Variants in REEP1 observed in about 807,000 individuals in gnomAD.
REEP1 encodes receptor accessory protein 1, also known as receptor expression-enhancing protein 1.
In REEP1, 22 loss-of-function variants were observed where a neutral mutation model predicts 40.3. The observed-to-expected ratio is 0.55, with a 90% CI of 0.39 to 0.78. REEP1 has a LOEUF of 0.78. Among genes scored for constraint, REEP1 ranks in the 30% least tolerant of loss-of-function variants. REEP1 has a pLI of 0.00. For synonymous variants in REEP1, 116 were observed against 139.2 expected (o/e 0.83, Z 1.17); for missense variants, 280 against 361.1 (o/e 0.78, Z 1.82).
intron 5 of REEP1, among the ~76,000 whole-genome samples, chr2:86,247,010 T>C (rs1029802142): frequency 2.0e-5 from 3 of 152,232 alleles, no homozygotes; most frequent in Non-Finnish European, 4.4e-5. Context: ...CTATGGTTTA[T>C]TTTTCATGTG....
At chr2:86,268,120 C>T (rs930729987) in intron 2 of REEP1, among the ~76,000 whole-genome samples, 1 of 152,126 alleles carries the variant, frequency 6.6e-6, no homozygotes, top group African/African-American at 2.4e-5. Flanking sequence ...TTCCATCACT[C>T]CTATATCATA....
At position 86,217,666 on chromosome 2, in the gene REEP1, A is replaced by ATTTTTTTTTTTTT. The variant is rs10668934; in HGVS notation, c.784-569_784-557dup. On this transcript the variant is annotated intron_variant, in intron 8 of 8. Coordinates refer to ENST00000538924, the MANE Select transcript of REEP1 (RefSeq NM_001371279.1). ...GAGTCAGAAGTGTTTGGGATTTCAG[A>ATTTTTTTTTTTTT]TTTTTTTTTTTTTTTTTTCAGATTT... Among the ~76,000 whole-genome samples the ATTTTTTTTTTTTT allele has an allele frequency of 1.2e-3, 130 of 112,864 alleles. 4 individuals are homozygous for ATTTTTTTTTTTTT. The highest frequency in any genetic ancestry group is 3.5e-3 in the African/African-American group (113 of 32,186). 74.0% of individuals were successfully genotyped at this position (112,864 alleles called of 152,430 possible).
At chr2:86,297,831 G>T in intron 1 of REEP1, 1 of 459,084 alleles carries the variant, frequency 2.2e-6, no homozygotes, top group South Asian at 9.2e-5. Context: ...GGTCCAGCCT[G>T]GGTCCCTCTC....
chr2:86,245,859 G>A (rs1675916037), intron 5 of REEP1, among the ~76,000 whole-genome samples: 1 of 151,172 alleles, frequency 6.6e-6, no homozygotes, highest in Non-Finnish European at 1.5e-5. Context: ...CCGCCTCCCT[G>A]GTTCACGCCA....
At chr2:86,229,856 C>A (rs925214160) in intron 6 of REEP1, among the ~76,000 whole-genome samples, 1 of 152,062 alleles carries the variant, frequency 6.6e-6, no homozygotes, top group Non-Finnish European at 1.5e-5. Flanking sequence ...TGGTGATCCA[C>A]CCTCCTCAGC....
chr2:86,323,290 T>C (rs1442987605), intron 1 of REEP1, among the ~76,000 whole-genome samples: 1 of 152,236 alleles, frequency 6.6e-6, no homozygotes, highest in African/African-American at 2.4e-5. Context: ...CAGATTTGTG[T>C]GTTTGTGTAT....
At chr2:86,322,003 T>C (rs1350382072) in intron 1 of REEP1, among the ~76,000 whole-genome samples, 1 of 152,192 alleles carries the variant, frequency 6.6e-6, no homozygotes, top group Non-Finnish European at 1.5e-5. Flanking sequence ...CATGACTATT[T>C]ATCTGGAAAA....
intron 3 of REEP1, among the ~76,000 whole-genome samples, chr2:86,263,030 A>G (rs1344489269): frequency 6.6e-6 from 1 of 152,266 alleles, no homozygotes; most frequent in Admixed American, 6.5e-5. Context: ...GATGACAAAT[A>G]AATTATGCTC....
chr2:86,253,700 G>A (rs752094679), intron 4 of REEP1, among the ~76,000 whole-genome samples: 2 of 152,170 alleles, frequency 1.3e-5, no homozygotes, highest in Admixed American at 1.3e-4. Flanking sequence ...GCTGCGGTCC[G>A]AGTTCCTAAA....
intron 4 of REEP1, 38 bp from the exon 5 acceptor site, chr2:86,252,108 G>A (rs1676316645): frequency 4.4e-6 from 6 of 1,358,382 alleles, no homozygotes; most frequent in Non-Finnish European, 6.3e-6. Context: ...GAGCTGGAAG[G>A]TTCAAACACA....
In REEP1 at chr2:86,243,181, A is replaced by G. The variant is rs768139587; in HGVS notation, c.417+8776T>C. 2.0e-5 allele frequency among the ~76,000 whole-genome samples: 3 copies of G among 152,186 alleles called. No homozygotes were observed. The East Asian group carries it at 5.8e-4, about 29-fold the overall frequency. Reference sequence around the variant, plus strand: ...GAGGAGAGAAAGGTGGGGCCCAGAGAAATTCATCTAACACTGAGGCGTGAG... The same window carrying G: ...GAGGAGAGAAAGGTGGGGCCCAGAGGAATTCATCTAACACTGAGGCGTGAG... On this transcript the variant is annotated intron_variant, in intron 5 of 8. Transcript: ENST00000538924.
intron 1 of REEP1, among the ~76,000 whole-genome samples, chr2:86,330,513 C>T (rs1269014027): frequency 1.3e-5 from 2 of 151,384 alleles, no homozygotes; most frequent in African/African-American, 2.4e-5. Context: ...GGCATGATCT[C>T]GGCTCACTGC....
rs757397611 is a variant in REEP1 at position 86,216,543 on chromosome 2, T to A, written c.*496A>T. On this transcript the variant is annotated 3_prime_UTR_variant, in exon 9 of 9. Coordinates refer to ENST00000538924, the MANE Select transcript of REEP1 (RefSeq NM_001371279.1). The stretch of plus-strand genomic sequence containing the variant: ...CAGTTTTCTTACATATCAGAACCTC[T>A]GGCAGCCCTTGCAAGTCCATTATAT... 6.5e-6 allele frequency: 1 copy of A among 153,964 alleles called. No homozygotes were observed. Among genetic ancestry groups the A allele is most frequent in the Non-Finnish European group, 1.4e-5 (1 of 69,090 alleles). 9.5% of individuals were successfully genotyped at this position (153,964 alleles called of 1,614,324 possible). A position where few individuals can be genotyped will look rare whatever the true frequency, so the allele number is the denominator to read the frequency against.
intron 5 of REEP1, among the ~76,000 whole-genome samples, chr2:86,240,683 G>A (rs1675623079): frequency 6.6e-6 from 1 of 152,176 alleles, no homozygotes; most frequent in South Asian, 2.1e-4. Flanking sequence ...ACAATAAACT[G>A]AGCACTCCAC....
intron 3 of REEP1, 164 bp from the exon 4 acceptor site, chr2:86,254,978 T>TGCACACACAC (rs879366008): frequency 2.9e-6 from 2 of 691,970 alleles, no homozygotes; most frequent in Non-Finnish European, 5.0e-6. Context: ...GGCACACACT[T>TGCACACACAC]GCACACACAC....
intron 2 of REEP1, among the ~76,000 whole-genome samples, chr2:86,272,976 T>C (rs1032849585): frequency 6.6e-6 from 1 of 151,814 alleles, no homozygotes; most frequent in African/African-American, 2.4e-5. Context: ...ACACAAAAAT[T>C]AGCTGGGCAT....
chr2:86,251,855 A>G (rs1298768349), intron 5 of REEP1, 102 bp downstream of exon 5: 7 of 851,384 alleles, frequency 8.2e-6, no homozygotes, highest in South Asian at 8.0e-5. Context: ...ATGAAAAACC[A>G]CTGATTGGTC....
At chr2:86,235,571 A>G (rs540715830) in intron 5 of REEP1, among the ~76,000 whole-genome samples, 1 of 152,364 alleles carries the variant, frequency 6.6e-6, no homozygotes, top group South Asian at 2.1e-4. Flanking sequence ...CAGAGGTGGA[A>G]AAGGTCACTT....
intron 1 of REEP1, among the ~76,000 whole-genome samples, chr2:86,328,496 T>C (rs1164784622): frequency 6.6e-6 from 1 of 152,108 alleles, no homozygotes; most frequent in Non-Finnish European, 1.5e-5. Flanking sequence ...CTGGCCAACA[T>C]GGTGAAACCC....
Sources: allele counts gnomAD v4.1 joint callset (sites outside exome capture counted in the v4.1 genomes callset), GRCh38; gene constraint gnomAD v4.1.1; transcripts MANE v1.5; gene names NCBI Gene and HGNC (gene_info 2026-07-23, HGNC 2026-07-21).